Variants in ZFHX3 observed in about 807,000 individuals in gnomAD.
ZFHX3 encodes the protein zinc finger homeobox 3.
ZFHX3 carries 42 observed loss-of-function variants against 279.1 expected under a neutral mutation model. The observed-to-expected ratio is 0.15, with a 90% CI of 0.12 to 0.19. The LOEUF (loss-of-function observed/expected upper bound fraction) is 0.19, where lower values mean the gene tolerates loss of function less well. ZFHX3 is among the 10% of genes least tolerant of loss of function. The pLI is 1.00. For synonymous variants in ZFHX3, 2,293 were observed against 1,957.8 expected (o/e 1.17, Z -4.52); for missense variants, 4,981 against 4,754.0 (o/e 1.05, Z -1.40).
intron 1 of ZFHX3, among the ~76,000 whole-genome samples, chr16:72,967,712 C>T (rs1470764651): frequency 6.7e-6 from 1 of 149,550 alleles, no homozygotes; most frequent in Admixed American, 6.7e-5. Context: ...GCCAGGTAAT[C>T]GAGACCATCC....
At chr16:73,481,419 A>C (rs2018863763) in intron 2 of ZFHX3, among the ~76,000 whole-genome samples, 1 of 151,846 alleles carries the variant, frequency 6.6e-6, no homozygotes, top group Non-Finnish European at 1.5e-5. Context: ...CCCCTTACCA[A>C]ATTTTAGTAT....
At chr16:73,453,108 C>T (rs2018306939) in intron 3 of ZFHX3, among the ~76,000 whole-genome samples, 1 of 144,636 alleles carries the variant, frequency 6.9e-6, no homozygotes, top group Non-Finnish European at 1.5e-5. Flanking sequence ...AGGACAGTCC[C>T]ACATCTGAGT....
At chr16:73,586,662 G>A (rs1429514033) in intron 2 of ZFHX3, among the ~76,000 whole-genome samples, 2 of 152,082 alleles carry the variant, frequency 1.3e-5, no homozygotes, top group South Asian at 4.2e-4. Flanking sequence ...GGAGAAACAA[G>A]CAAATCAACT....
intron 2 of ZFHX3, among the ~76,000 whole-genome samples, chr16:73,586,392 A>G (rs1189264760): frequency 1.5e-4 from 3 of 19,824 alleles, no homozygotes; most frequent in Non-Finnish European, 5.3e-4. Context: ...CTATCTCAAA[A>G]CAAACAAACA....
intron 5 of ZFHX3, among the ~76,000 whole-genome samples, chr16:73,229,594 G>C (rs1413232567): frequency 6.6e-6 from 1 of 152,164 alleles, no homozygotes; most frequent in Non-Finnish European, 1.5e-5. Context: ...GACAGAATGA[G>C]ATTTACATGC....
intron 2 of ZFHX3, among the ~76,000 whole-genome samples, chr16:73,603,056 C>T (rs1294474914): frequency 6.6e-6 from 1 of 150,930 alleles, no homozygotes; most frequent in African/African-American, 2.4e-5. Context: ...GAGGCCGAGG[C>T]GGGTGGATCA....
intron 1 of ZFHX3, among the ~76,000 whole-genome samples, chr16:73,009,655 G>C (rs574044004): frequency 1.4e-3 from 209 of 152,218 alleles, no homozygotes; most frequent in Non-Finnish European, 2.3e-3. Flanking sequence ...CTAATTGCTG[G>C]CTACCAAAAC....
chr16:73,085,192 C>T (rs1214167116), intron 8 of ZFHX3, among the ~76,000 whole-genome samples: 1 of 152,206 alleles, frequency 6.6e-6, no homozygotes, highest in African/African-American at 2.4e-5. Context: ...GAAACAGCCA[C>T]ATAGACCAAT....
At chr16:73,514,997 A>G (rs947523279) in intron 2 of ZFHX3, among the ~76,000 whole-genome samples, 3 of 152,058 alleles carry the variant, frequency 2.0e-5, no homozygotes, top group Non-Finnish European at 4.4e-5. Flanking sequence ...CTTTTTTCTC[A>G]TGAAACAAAA....
intron 2 of ZFHX3, among the ~76,000 whole-genome samples, chr16:73,530,597 G>A (rs964628522): frequency 5.3e-5 from 8 of 151,982 alleles, no homozygotes; most frequent in African/African-American, 1.9e-4. Context: ...CCCCTTTTGG[G>A]ACTCCTTTTA....
intron 4 of ZFHX3, among the ~76,000 whole-genome samples, chr16:73,307,069 T>C (rs2015199004): frequency 6.6e-6 from 1 of 152,192 alleles, no homozygotes; most frequent in Non-Finnish European, 1.5e-5. Context: ...CAAATGCCTT[T>C]TTGGATGATA....
intron 4 of ZFHX3, among the ~76,000 whole-genome samples, chr16:72,889,381 T>C (rs933880556): frequency 6.6e-6 from 1 of 151,392 alleles, no homozygotes; most frequent in African/African-American, 2.4e-5. Flanking sequence ...ACTGGAGGAA[T>C]CTTAGAATAG....
rs188002302 is a variant in ZFHX3 at position 73,731,085 on chromosome 16, G to T, written c.-1607-50845C>A. Among the ~76,000 whole-genome samples the T allele has an allele frequency of 3.0e-4, 45 of 152,278 alleles. 1 individual carries two copies. The South Asian group carries it at 9.3e-3, about 32-fold the overall frequency. ...GGTTTCTTTGCTAGATTAAACTTGC[G>T]ATTGTCATTCATATATTGTTTATAA... On this transcript the variant is annotated intron_variant, in intron 1 of 17. Coordinates refer to the ZFHX3 transcript ENST00000641206.
At chr16:72,949,146 G>C (rs1269570058) in intron 3 of ZFHX3, among the ~76,000 whole-genome samples, 1 of 152,184 alleles carries the variant, frequency 6.6e-6, no homozygotes, top group Admixed American at 6.5e-5. Flanking sequence ...ATAAAATGAA[G>C]TACAATTATC....
At chr16:73,620,885 G>C (rs1030605324) in intron 2 of ZFHX3, among the ~76,000 whole-genome samples, 4 of 152,282 alleles carry the variant, frequency 2.6e-5, no homozygotes, top group Admixed American at 6.5e-5. Flanking sequence ...CAGATCTTTG[G>C]GTGAGAGAAA....
chr16:73,395,571 T>C (rs1381623112), intron 3 of ZFHX3, among the ~76,000 whole-genome samples: 3 of 151,942 alleles, frequency 2.0e-5, no homozygotes, highest in Non-Finnish European at 4.4e-5. Flanking sequence ...TTGCCCATTA[T>C]CCTGTCCACA....
chr16:73,781,338 GC>G (rs1597112663), intron 1 of ZFHX3, among the ~76,000 whole-genome samples: 1 of 152,206 alleles, frequency 6.6e-6, no homozygotes, highest in Non-Finnish European at 1.5e-5. Context: ...TAAGGCTAGA[GC>G]CTGATCATTT....
intron 3 of ZFHX3, among the ~76,000 whole-genome samples, chr16:72,940,106 C>CTAAAAAAAAAATTTTTTAAAT (rs1300617166): frequency 6.6e-6 from 1 of 151,728 alleles, no homozygotes; most frequent in Non-Finnish European, 1.5e-5. Context: ...GAGACAGGGT[C>CTAAAAAAAAAATTTTTTAAAT]TGTTTATGTT....
intron 1 of ZFHX3, among the ~76,000 whole-genome samples, chr16:73,777,508 CAAAAAAAAA>C (rs34744186): frequency 0.12 from 7,650 of 62,958 alleles, 390 homozygotes; most frequent in African/African-American, 0.28. Context: ...GACTCTGTCT[CAAAAAAAAA>C]AAAAAAAAAA....
Sources: gnomAD v4.1 joint callset for allele counts (sites outside exome capture counted in the v4.1 genomes callset) on GRCh38, gnomAD v4.1.1 for gene constraint, MANE v1.5 for transcripts, NCBI Gene and HGNC (gene_info 2026-07-23, HGNC 2026-07-21) for gene names.